Variants in BNC2 observed in about 807,000 individuals in gnomAD.
The protein encoded by BNC2 is basonuclin zinc finger protein 2.
BNC2 carries 20 observed loss-of-function variants against 76.3 expected under a neutral mutation model. The observed-to-expected ratio is 0.26, with a 90% confidence interval of 0.18 to 0.38. BNC2 has a LOEUF of 0.38. Ranked by LOEUF, BNC2 falls within the 10% of genes least tolerant of loss-of-function variation. BNC2 has a pLI of 1.00. For missense variants in BNC2, 1,382 were observed against 1,399.8 expected (o/e 0.99, Z 0.20); for synonymous variants, 582 against 514.8 (o/e 1.13, Z -1.77).
rs1445809452 is a variant in BNC2, at chr9:16,436,629, A to G, written c.1565T>C (p.Ile522Thr). The change falls in exon 6 of 7, where the codon ATA (isoleucine) becomes ACA (threonine). Residue 522 changes from isoleucine to threonine, a missense_variant. By Grantham distance (89) the Ile-to-Thr change is moderately conservative. Around this residue, in one of 3 missense-constraint regions of BNC2, gnomAD observed 798 missense variants for 775.5 expected, o/e 1.03. Coordinates refer to ENST00000380672, the MANE Select transcript of BNC2 (RefSeq NM_017637.6). ...TGCCAGATTTGATTTTGTACTTGCT[A>G]TGACAGGGGTGGCAGCTCCTGAGGT... ...RATSGAATPV[I>T]ASTKSNLALT... The G allele has an allele frequency of 6.2e-7, 1 of 1,614,052 alleles. No homozygotes were observed. The highest frequency in any genetic ancestry group is 8.5e-7 in the Non-Finnish European group (1 of 1,180,008).
At chr9:16,846,763 GAGTA>G (rs563021356) in intron 1 of BNC2, among the ~76,000 whole-genome samples, 23 of 152,322 alleles carry the variant, frequency 1.5e-4, no homozygotes, top group Admixed American at 2.6e-4. Flanking sequence ...AATCCATGAA[GAGTA>G]AGTGACCAAA....
At chr9:16,730,779 T>TA (rs916874229) in intron 2 of BNC2, among the ~76,000 whole-genome samples, 4 of 152,200 alleles carry the variant, frequency 2.6e-5, no homozygotes, top group Non-Finnish European at 5.9e-5. Context: ...TTCTAAGTTT[T>TA]AAAAAATATT....
At chr9:16,665,183 A>G in intron 3 of BNC2, 1 of 411,604 alleles carries the variant, frequency 2.4e-6, no homozygotes, top group Non-Finnish European at 4.7e-6. Context: ...AGCCTGAAAA[A>G]CAAGGTGAAA....
Position 16,418,810 on chromosome 9 carries a change from G to T in BNC2, c.*179C>A. 1.4e-6 allele frequency: 1 copy of T among 708,838 alleles called. No homozygotes were observed. Among genetic ancestry groups the T allele is most frequent in the South Asian group, 1.9e-5 (1 of 54,046 alleles). 43.9% of individuals were successfully genotyped at this position (708,838 alleles called of 1,614,324 possible). On this transcript the variant is annotated 3_prime_UTR_variant, in exon 7 of 7. Transcript: ENST00000380672. ...TGAAAAAAATTCAAAAGCACCTAGT[G>T]TTTATCTTGTTTATCTCAAGGAAAT...
At chr9:16,816,643 A>T (rs1818189412) in intron 1 of BNC2, among the ~76,000 whole-genome samples, 1 of 152,228 alleles carries the variant, frequency 6.6e-6, no homozygotes, top group Admixed American at 6.5e-5. Context: ...AAAAACTGGG[A>T]AATCACGGCA....
At chr9:16,424,273 A>G (rs923447701) in intron 6 of BNC2, among the ~76,000 whole-genome samples, 2 of 152,018 alleles carry the variant, frequency 1.3e-5, no homozygotes, top group Non-Finnish European at 2.9e-5. Context: ...AAAGAAAAAA[A>G]AAAAAAACAA....
At chr9:16,719,213 C>T (rs574967828) in intron 3 of BNC2, among the ~76,000 whole-genome samples, 1 of 152,256 alleles carries the variant, frequency 6.6e-6, no homozygotes, top group East Asian at 1.9e-4. Context: ...GCCATGTCCA[C>T]TGACCTCCAG....
At chr9:16,635,580 G>A (rs1587259367) in intron 3 of BNC2, among the ~76,000 whole-genome samples, 2 of 152,098 alleles carry the variant, frequency 1.3e-5, no homozygotes, top group African/African-American at 4.8e-5. Context: ...TTGTGATTAG[G>A]ACAGAGCTCA....
chr9:16,497,068 C>A (rs1822406019), intron 5 of BNC2, among the ~76,000 whole-genome samples: 1 of 152,238 alleles, frequency 6.6e-6, no homozygotes, highest in South Asian at 2.1e-4. Flanking sequence ...CAGAGTCAGG[C>A]ATTGCCTGGC....
chr9:16,847,224 C>T (rs1310094261), intron 1 of BNC2, among the ~76,000 whole-genome samples: 1 of 152,012 alleles, frequency 6.6e-6, no homozygotes, highest in Non-Finnish European at 1.5e-5. Context: ...ACACGCAGCT[C>T]AAAACAAAGT....
chr9:16,568,727 A>G lies in BNC2; in HGVS notation c.433+14256T>C, dbSNP rs1157614372. 2.0e-5 allele frequency among the ~76,000 whole-genome samples: 3 copies of G among 152,276 alleles called. No individual in the cohort carries two copies. In the East Asian group the frequency reaches 5.8e-4, roughly 29 times the overall value. ...ATAAAAGCCTTAACACTTGGGGAGA[A>G]CATTAATATAGGGCAATGATGACAC... On this transcript the variant is annotated intron_variant, in intron 4 of 6. Transcript: ENST00000380672.
At chr9:16,688,588 G>T (rs1373338202) in intron 3 of BNC2, among the ~76,000 whole-genome samples, 1 of 152,006 alleles carries the variant, frequency 6.6e-6, no homozygotes, top group Non-Finnish European at 1.5e-5. Flanking sequence ...GTTCTACAAA[G>T]ATTTTCCAAA....
Position 16,552,662 on chromosome 9 carries a change from T to G in BNC2, c.537A>C (p.Thr179=). 1 of 1,614,212 alleles carries G rather than the reference T, an allele frequency of 6.2e-7. No homozygotes were observed. The highest frequency in any genetic ancestry group is 8.5e-7 in the Non-Finnish European group (1 of 1,180,038). ...FDISSLMLYG[T]QAVPVRLKIL... ...TCTTTAGCCGCACAGGCACTGCTTGTGTCCCATAGAGCATCAGGCTGCTGA... is the reference window on the plus strand; with the variant it reads ...TCTTTAGCCGCACAGGCACTGCTTGGGTCCCATAGAGCATCAGGCTGCTGA... The change falls in exon 5 of 7, where the codon ACA becomes ACC. Residue 179 remains threonine, a synonymous_variant. Coordinates refer to ENST00000380672, the MANE Select transcript of BNC2 (RefSeq NM_017637.6).
At chr9:16,544,293 C>G (rs1313305077) in intron 5 of BNC2, among the ~76,000 whole-genome samples, 1 of 152,050 alleles carries the variant, frequency 6.6e-6, no homozygotes, top group Admixed American at 6.6e-5. Context: ...ATTCATTGAT[C>G]TTTCTGCTCC....
At chr9:16,797,605 G>A (rs1309518712) in intron 1 of BNC2, among the ~76,000 whole-genome samples, 2 of 152,146 alleles carry the variant, frequency 1.3e-5, no homozygotes, top group Admixed American at 6.5e-5. Context: ...TCTAGTAAGA[G>A]TGTCACACAA....
chr9:16,867,316 T>G (rs924968020), intron 1 of BNC2: 1 of 152,220 alleles, frequency 6.6e-6, no homozygotes, highest in Non-Finnish European at 1.5e-5. Context: ...ATAGTATTTA[T>G]ACACAATACT....
At position 16,414,325 on chromosome 9, in the gene BNC2, G is replaced by A. The variant is rs911243552; in HGVS notation, c.*4664C>T. The A allele has an allele frequency of 3.3e-5, 5 of 152,290 alleles. No homozygotes were observed. Among genetic ancestry groups the A allele is most frequent in the East Asian group, 3.9e-4 (2 of 5,182 alleles). The allele number at this position is 152,290 out of a possible 1,614,324, so 9.4% of individuals were successfully genotyped here. ...CTACCCCAAAACCAGGGCAGGAACCGACCCTCTACTTAGTTCTGATGAAAA... is the reference window on the plus strand; with the variant it reads ...CTACCCCAAAACCAGGGCAGGAACCAACCCTCTACTTAGTTCTGATGAAAA... On this transcript the variant is annotated 3_prime_UTR_variant, in exon 7 of 7. Transcript: ENST00000380672.
chr9:16,459,916 CT>C (rs1821538284), intron 5 of BNC2, among the ~76,000 whole-genome samples: 1 of 152,134 alleles, frequency 6.6e-6, no homozygotes, highest in African/African-American at 2.4e-5. Context: ...TCTGAAACGG[CT>C]TTGAGAAAGA....
intron 1 of BNC2, among the ~76,000 whole-genome samples, chr9:16,802,449 C>A (rs1204962018): frequency 6.6e-6 from 1 of 152,204 alleles, no homozygotes; most frequent in African/African-American, 2.4e-5. Context: ...CTACAATAAG[C>A]TGCTACATTT....
Sources: allele counts gnomAD v4.1 joint callset (sites outside exome capture counted in the v4.1 genomes callset), GRCh38; gene constraint gnomAD v4.1.1; regional missense constraint gnomAD v4.1.1; transcripts MANE v1.5; gene names NCBI Gene and HGNC (gene_info 2026-07-23, HGNC 2026-07-21).